BRINP1: variants seen among roughly 807,000 people sequenced by gnomAD.
BRINP1 encodes BMP/retinoic acid-inducible neural-specific protein 1.
A neutral mutation model predicts 72.9 loss-of-function variants in BRINP1; 17 were observed. The ratio of observed to expected loss-of-function variants is 0.23; its 90% CI spans 0.16 to 0.35. BRINP1 has a LOEUF of 0.35. Among genes scored for constraint, BRINP1 ranks in the 10% least tolerant of loss-of-function variants. The pLI is 1.00. For missense variants in BRINP1, 850 were observed against 1,001.6 expected (o/e 0.85, Z 2.04); for synonymous variants, 418 against 378.5 (o/e 1.10, Z -1.21).
chr9:119,367,220 T>TTATATATATATATATATATATA (rs1564259751), intron 1 of BRINP1, among the ~76,000 whole-genome samples: 11 of 44,796 alleles, frequency 2.5e-4, no homozygotes, highest in South Asian at 4.3e-3. Flanking sequence ...TGTGTGTGAT[T>TTATATATATATATATATATATA]GATATATATA....
intron 2 of BRINP1, among the ~76,000 whole-genome samples, chr9:119,264,342 CCT>C (rs1588182858): frequency 6.6e-6 from 1 of 152,224 alleles, no homozygotes; most frequent in East Asian, 1.9e-4. Context: ...ACCTGGTCCC[CCT>C]GATTCTACCT....
At chr9:119,191,642 T>C (rs1044279838) in intron 7 of BRINP1, among the ~76,000 whole-genome samples, 6 of 151,930 alleles carry the variant, frequency 3.9e-5, no homozygotes, top group African/African-American at 1.4e-4. Flanking sequence ...AGATATTCTG[T>C]GTTCATGGAT....
chr9:119,215,706 A>T (rs1317598863), intron 5 of BRINP1, among the ~76,000 whole-genome samples: 1 of 152,180 alleles, frequency 6.6e-6, no homozygotes, highest in East Asian at 1.9e-4. Flanking sequence ...CTGTCTTCAC[A>T]TGGCAGCTAA....
At chr9:119,247,645 G>A (rs1027554047) in intron 3 of BRINP1, among the ~76,000 whole-genome samples, 2 of 119,838 alleles carry the variant, frequency 1.7e-5, no homozygotes, top group African/African-American at 3.4e-5. Context: ...GCGACAGAGC[G>A]AGACTCCGTC....
chr9:119,314,293 G>A (rs1831102850), intron 1 of BRINP1, among the ~76,000 whole-genome samples: 1 of 152,186 alleles, frequency 6.6e-6, no homozygotes, highest in Admixed American at 6.5e-5. Context: ...TTGGTAGAGA[G>A]GTACCTTGTG....
chr9:119,283,175 G>A (rs1830729963), intron 2 of BRINP1: 1 of 984,822 alleles, frequency 1.0e-6, no homozygotes, highest in Non-Finnish European at 1.2e-6. Context: ...GGGCCTCCTT[G>A]AGTGTTTCTT....
rs746081030 is a variant in BRINP1, at chr9:119,208,782, C to T, written c.1082G>A (p.Arg361His). Residue 361 changes from arginine (R) to histidine (H), a missense_variant, in exon 7 of 8, where the codon CGC (arginine) becomes CAC (histidine). By Grantham distance (29) the Arg-to-His change is conservative (BLOSUM62 0). Transcript: ENST00000265922. ...GCGTACACTGAGGCCGAAAAGCTTG[C>T]GGGCAGTGCGTTGGATCTTTTGTCT... ...AQRQKIQRTA[R>H]KLFGLSVRCR... The T allele has an allele frequency of 3.1e-5, 50 of 1,613,970 alleles. No homozygotes were observed. The highest frequency in any genetic ancestry group is 2.5e-4 in the East Asian group (11 of 44,876).
At chr9:119,171,825 A>C (rs1262163688) in intron 7 of BRINP1, among the ~76,000 whole-genome samples, 1 of 116,988 alleles carries the variant, frequency 8.5e-6, no homozygotes, top group Non-Finnish European at 1.7e-5. Context: ...AGGATTAAGA[A>C]TCTCACTCAA....
chr9:119,183,384 C>T (rs757827823), intron 7 of BRINP1, among the ~76,000 whole-genome samples: 1 of 152,030 alleles, frequency 6.6e-6, no homozygotes, highest in African/African-American at 2.4e-5. Flanking sequence ...GTGAAAGAAA[C>T]CAGACACAAA....
intron 7 of BRINP1, among the ~76,000 whole-genome samples, chr9:119,171,628 G>T (rs1213000405): frequency 8.8e-6 from 1 of 113,244 alleles, no homozygotes; most frequent in Non-Finnish European, 1.8e-5. Context: ...TGCACCAAGC[G>T]GACCTAATAG....
At chr9:119,254,172 GAA>G (rs1419479312) in intron 2 of BRINP1, among the ~76,000 whole-genome samples, 1 of 152,198 alleles carries the variant, frequency 6.6e-6, no homozygotes, top group Non-Finnish European at 1.5e-5. Context: ...CAAAATTAAT[GAA>G]AGTCTTGCTC....
chr9:119,340,317 G>A (rs1831393592), intron 1 of BRINP1, among the ~76,000 whole-genome samples: 2 of 152,170 alleles, frequency 1.3e-5, no homozygotes, highest in South Asian at 4.1e-4. Flanking sequence ...TAGATCTGAG[G>A]TTCCCGGCAG....
At position 119,214,058 on chromosome 9, in the gene BRINP1, C is replaced by A; in HGVS notation, c.783G>T (p.Gln261His). The change falls in exon 6 of 8, where the codon CAG becomes CAT. Residue 261 changes from glutamine (Q) to histidine (H), a missense_variant. Physicochemically the swap from Gln to His is conservative, Grantham distance 24. Coordinates refer to ENST00000265922, the MANE Select transcript of BRINP1 (RefSeq NM_014618.3). ...MCNGEGEYLC[Q>H]NSQCRCQCAE... ...CACATTGGCAGCGACACTGGCTGTT[C>A]TGGCACAGGTACTCCCCCTCCCCAT... 2.5e-6 allele frequency: 4 copies of A among 1,614,168 alleles called. No individual in the cohort carries two copies. Among genetic ancestry groups the A allele is most frequent in the Non-Finnish European group, 2.5e-6 (3 of 1,180,020 alleles).
chr9:119,169,253 C>T (rs1419212346), intron 7 of BRINP1, among the ~76,000 whole-genome samples: 2 of 152,160 alleles, frequency 1.3e-5, no homozygotes, highest in Non-Finnish European at 2.9e-5. Context: ...AGACAGTGGG[C>T]GCAGGTCATT....
chr9:119,287,405 G>A (rs1830773646), intron 2 of BRINP1, among the ~76,000 whole-genome samples: 1 of 152,100 alleles, frequency 6.6e-6, no homozygotes, highest in Non-Finnish European at 1.5e-5. Context: ...TGTTATCTGG[G>A]ACAAGTTTAT....
At chr9:119,196,004 T>G (rs1829734540) in intron 7 of BRINP1, among the ~76,000 whole-genome samples, 1 of 152,248 alleles carries the variant, frequency 6.6e-6, no homozygotes, top group Admixed American at 6.5e-5. Context: ...TATTTAGCAT[T>G]TTTTTGTAAT....
At chr9:119,211,843 C>A (rs980669248) in intron 6 of BRINP1, among the ~76,000 whole-genome samples, 1 of 152,118 alleles carries the variant, frequency 6.6e-6, no homozygotes, top group African/African-American at 2.4e-5. Flanking sequence ...TGACATAAAT[C>A]ATTTTCTTGG....
chr9:119,231,476 T>C (rs1830148420), intron 5 of BRINP1, among the ~76,000 whole-genome samples: 1 of 152,114 alleles, frequency 6.6e-6, no homozygotes, highest in Non-Finnish European at 1.5e-5. Context: ...AAAAGAAAAA[T>C]ATCACTTTAC....
Position 119,167,914 on chromosome 9 carries a change from G to GGTCCTGGAA in BRINP1, c.1447_1455dup (p.Phe483_Asp485dup), listed in dbSNP as rs1230744776. The GGTCCTGGAA allele has an allele frequency of 6.2e-7, 1 of 1,614,104 alleles. No individual in the cohort carries two copies. The highest frequency in any genetic ancestry group is 8.5e-7 in the Non-Finnish European group (1 of 1,180,050). On this transcript the variant is annotated inframe_insertion, in exon 8 of 8. Transcript: ENST00000265922. The surrounding 1 kb of genome is among the most constrained non-coding windows in gnomAD (Gnocchi z 4.3). The stretch of plus-strand genomic sequence containing the variant: ...TTCTGCAGCAGGTACTTCAGCTCCA[G>GGTCCTGGAA]GTCCTGGAAGTCCAGGTCAGTCTCA...
Sources: gnomAD v4.1 joint callset for allele counts (sites outside exome capture counted in the v4.1 genomes callset) on GRCh38, gnomAD v4.1.1 for gene constraint, Gnocchi (gnomAD v3.1) non-coding constraint, MANE v1.5 for transcripts, NCBI Gene and HGNC (gene_info 2026-07-23, HGNC 2026-07-21) for gene names.